RANBP2: variants seen among roughly 807,000 people sequenced by gnomAD.
RANBP2 encodes RAN binding protein 2.
Under a neutral mutation model 303.6 loss-of-function variants are expected in RANBP2, and 57 were observed. That is an observed-to-expected ratio of 0.19 (90% CI 0.15 to 0.23). The LOEUF (loss-of-function observed/expected upper bound fraction) is 0.23, where lower values mean the gene tolerates loss of function less well. Among genes scored for constraint, RANBP2 ranks in the 10% least tolerant of loss-of-function variants. The pLI, the probability that RANBP2 is intolerant of heterozygous loss-of-function variation, is 1.00. For synonymous variants in RANBP2, 1,167 were observed against 1,301.5 expected (o/e 0.90, Z 2.23); for missense variants, 3,138 against 3,780.8 (o/e 0.83, Z 4.46).
chr2:109,543,498 G>C, the RANBP2 span: 1 of 152,118 alleles, frequency 6.6e-6, no homozygotes, highest in African/African-American at 2.4e-5. Flanking sequence ...TTGGGTAATT[G>C]TATAAAAAAT....
the RANBP2 span, among the ~76,000 whole-genome samples, chr2:109,107,052 A>G: frequency 1.3e-5 from 2 of 149,220 alleles, no homozygotes; most frequent in Admixed American, 6.8e-5. Flanking sequence ...ATTCTTCTGC[A>G]TCAGCCTCCC....
chr2:109,674,685 T>A, the RANBP2 span, among the ~76,000 whole-genome samples: 1 of 152,198 alleles, frequency 6.6e-6, no homozygotes, highest in Admixed American at 6.5e-5. Context: ...GTAGTAATGA[T>A]TTTATGTGTT....
chr2:108,849,682 A>T, the RANBP2 span, among the ~76,000 whole-genome samples: 2 of 152,158 alleles, frequency 1.3e-5, no homozygotes, highest in Non-Finnish European at 2.9e-5. Context: ...AAGAAAAAAA[A>T]ATCTGACACT....
At chr2:109,361,640 A>AT in the RANBP2 span, among the ~76,000 whole-genome samples, 2 of 152,026 alleles carry the variant, frequency 1.3e-5, no homozygotes, top group South Asian at 2.1e-4. Flanking sequence ...TGCCCGGCTA[A>AT]TTTTTTTGTA....
At chr2:108,743,042 G>A (rs1410433634) in intron 7 of RANBP2, among the ~76,000 whole-genome samples, 2 of 152,172 alleles carry the variant, frequency 1.3e-5, no homozygotes, top group East Asian at 3.9e-4. Context: ...GCCCACCTTG[G>A]CCTCCCAAAG....
At chr2:109,696,304 T>C in the RANBP2 span, among the ~76,000 whole-genome samples, 1 of 152,236 alleles carries the variant, frequency 6.6e-6, no homozygotes, top group African/African-American at 2.4e-5. Flanking sequence ...TCAGAAATTA[T>C]ATAGTTTTAT....
At chr2:109,332,105 A>G in the RANBP2 span, among the ~76,000 whole-genome samples, 1 of 152,166 alleles carries the variant, frequency 6.6e-6, no homozygotes, top group African/African-American at 2.4e-5. Context: ...TCTGTTTAGC[A>G]TAGACATTGG....
chr2:109,719,640 C>T, the RANBP2 span, among the ~76,000 whole-genome samples: 1 of 150,718 alleles, frequency 6.6e-6, no homozygotes, highest in Non-Finnish European at 1.5e-5. Flanking sequence ...CTCTTGATCT[C>T]GTGATCCGCT....
chr2:109,730,019 TG>T, the RANBP2 span, among the ~76,000 whole-genome samples: 8 of 152,234 alleles, frequency 5.3e-5, no homozygotes, highest in African/African-American at 1.9e-4. Flanking sequence ...GAGAACGGCA[TG>T]GGGGAACCGC....
chr2:109,521,034 G>C, the RANBP2 span, among the ~76,000 whole-genome samples: 1 of 151,102 alleles, frequency 6.6e-6, no homozygotes, highest in East Asian at 2.0e-4. Flanking sequence ...TCGAGACCAC[G>C]GTGAAACCCC....
chr2:109,231,050 C>T, the RANBP2 span, among the ~76,000 whole-genome samples: 10 of 152,368 alleles, frequency 6.6e-5, no homozygotes, highest in African/African-American at 2.4e-4. Context: ...ACGGACAGAG[C>T]AGCAGAGTTG....
chr2:108,770,664 A>G (rs1677436518), intron 20 of RANBP2, among the ~76,000 whole-genome samples: 1 of 152,226 alleles, frequency 6.6e-6, no homozygotes, highest in Admixed American at 6.5e-5. Context: ...AGCCATATTA[A>G]AAAGAATAAA....
In RANBP2 at chr2:108,783,977, A is replaced by G; in HGVS notation, c.*76A>G. The G allele has an allele frequency of 7.2e-7, 1 of 1,387,772 alleles. No homozygotes were observed. The highest frequency in any genetic ancestry group is 1.3e-5 in the South Asian group (1 of 79,126). The allele number at this position is 1,387,772 out of a possible 1,614,324, so 86.0% of individuals were successfully genotyped here. ...GCTTAGCTATTACAATTTGATAGTT[A>G]TGTTCAGCTTTTGAAAATGGACGTT... On this transcript the variant is annotated 3_prime_UTR_variant, in exon 29 of 29. Transcript: ENST00000283195.
the RANBP2 span, among the ~76,000 whole-genome samples, chr2:108,864,568 C>T: frequency 0.056 from 8,480 of 152,036 alleles, 649 homozygotes; most frequent in African/African-American, 0.18. Flanking sequence ...GAGGCCAAGG[C>T]GGGCAGATCA....
the RANBP2 span, among the ~76,000 whole-genome samples, chr2:109,694,642 T>G: frequency 6.6e-6 from 1 of 152,188 alleles, no homozygotes; most frequent in African/African-American, 2.4e-5. Flanking sequence ...GAGGAAATTT[T>G]CAGATTTTCC....
chr2:109,226,417 A>G, the RANBP2 span, among the ~76,000 whole-genome samples: 1 of 152,172 alleles, frequency 6.6e-6, no homozygotes, highest in Admixed American at 6.5e-5. Context: ...GAGCCATGTG[A>G]GGTCTAATGA....
At chr2:109,110,776 T>C in the RANBP2 span, among the ~76,000 whole-genome samples, 1 of 152,172 alleles carries the variant, frequency 6.6e-6, no homozygotes, top group Admixed American at 6.5e-5. Flanking sequence ...CCTTCTTGGA[T>C]GCAGGTGAGA....
chr2:109,578,719 A>ATTGT, the RANBP2 span, among the ~76,000 whole-genome samples: 4 of 152,172 alleles, frequency 2.6e-5, no homozygotes, highest in South Asian at 8.3e-4. Flanking sequence ...GTGAACCGAG[A>ATTGT]TTGTGCCACT....
chr2:108,774,256 A>T (rs903654848), intron 23 of RANBP2, among the ~76,000 whole-genome samples: 1 of 152,178 alleles, frequency 6.6e-6, no homozygotes, highest in African/African-American at 2.4e-5. Flanking sequence ...GTTTATATTT[A>T]TCAGGATACT....
Sources: gnomAD v4.1 joint callset for allele counts (sites outside exome capture counted in the v4.1 genomes callset) on GRCh38, gnomAD v4.1.1 for gene constraint, MANE v1.5 for transcripts, NCBI Gene and HGNC (gene_info 2026-07-23, HGNC 2026-07-21) for gene names.